The following SOX6 variants were observed in gnomAD, a reference collection of about 807,000 sequenced individuals.
SOX6 encodes transcription factor SOX-6.
Under a neutral mutation model 97.8 loss-of-function variants are expected in SOX6, and 11 were observed. The ratio of observed to expected loss-of-function variants is 0.11; its 90% CI spans 0.07 to 0.19. SOX6 has a LOEUF of 0.19. SOX6 is among the 10% of genes least tolerant of loss of function. The pLI is 1.00. For synonymous variants in SOX6, 360 were observed against 371.4 expected (o/e 0.97, Z 0.35); for missense variants, 810 against 1,039.5 (o/e 0.78, Z 3.04).
At chr11:16,163,221 C>T (rs912446671) in intron 6 of SOX6, among the ~76,000 whole-genome samples, 2 of 152,096 alleles carry the variant, frequency 1.3e-5, no homozygotes, top group Non-Finnish European at 2.9e-5. Context: ...CTGTTATACA[C>T]ACATGTGTAT....
intron 4 of SOX6, among the ~76,000 whole-genome samples, chr11:16,568,928 C>G (rs916411451): frequency 1.3e-5 from 2 of 152,132 alleles, no homozygotes; most frequent in Non-Finnish European, 2.9e-5. Flanking sequence ...GGGCAGTAAC[C>G]TTTTACTTTT....
At chr11:16,029,156 G>C (rs1325537703) in intron 12 of SOX6, among the ~76,000 whole-genome samples, 1 of 152,192 alleles carries the variant, frequency 6.6e-6, no homozygotes, top group Non-Finnish European at 1.5e-5. Flanking sequence ...ATGATGCTTA[G>C]ATCACAGGTT....
chr11:16,597,621 A>G (rs1376467485), intron 4 of SOX6, among the ~76,000 whole-genome samples: 2 of 152,010 alleles, frequency 1.3e-5, no homozygotes, highest in Admixed American at 1.3e-4. Context: ...AATGAAAGCA[A>G]AACAAAACAG....
At chr11:16,349,706 A>G (rs1208441319) in intron 1 of SOX6, among the ~76,000 whole-genome samples, 1 of 44,264 alleles carries the variant, frequency 2.3e-5, no homozygotes, top group East Asian at 5.1e-4. Flanking sequence ...GGAAGGAAGG[A>G]AGGAAGGAAG....
intron 13 of SOX6, among the ~76,000 whole-genome samples, chr11:16,010,704 T>TTAC (rs1465892690): frequency 1.6e-4 from 24 of 152,086 alleles, no homozygotes; most frequent in African/African-American, 4.1e-4. Flanking sequence ...AGGGAGCCCA[T>TTAC]CTGTGAAAGG....
intron 4 of SOX6, among the ~76,000 whole-genome samples, chr11:16,506,736 G>T (rs778161396): frequency 1.3e-5 from 2 of 152,136 alleles, no homozygotes; most frequent in African/African-American, 2.4e-5. Context: ...TGATGTTCTT[G>T]TGGTAGAGTT....
intron 9 of SOX6, among the ~76,000 whole-genome samples, chr11:16,071,972 C>T (rs1848236877): frequency 6.6e-6 from 1 of 151,976 alleles, no homozygotes; most frequent in East Asian, 1.9e-4. Context: ...GGAACATCAG[C>T]CCACACAGAT....
chr11:16,397,124 A>T (rs1858383818), intron 1 of SOX6, among the ~76,000 whole-genome samples: 2 of 151,414 alleles, frequency 1.3e-5, no homozygotes, highest in Non-Finnish European at 3.0e-5. Flanking sequence ...TTGTCACTGA[A>T]GATTCTTCAG....
chr11:16,205,118 A>G (rs1226623976), intron 4 of SOX6, among the ~76,000 whole-genome samples: 2 of 152,126 alleles, frequency 1.3e-5, no homozygotes, highest in African/African-American at 4.8e-5. Flanking sequence ...ATGCTCATCT[A>G]ATAGCAGAAG....
chr11:16,208,298 GTATGAA>G (rs1338919435), intron 4 of SOX6, among the ~76,000 whole-genome samples: 4 of 152,232 alleles, frequency 2.6e-5, no homozygotes, highest in African/African-American at 4.8e-5. Flanking sequence ...CACTATCAGG[GTATGAA>G]TATAATATAG....
chr11:16,653,066 T>G (rs1234279988), intron 3 of SOX6, among the ~76,000 whole-genome samples: 2 of 152,202 alleles, frequency 1.3e-5, no homozygotes, highest in African/African-American at 4.8e-5. Context: ...CTCAATGAGC[T>G]ACCACCTTAC....
chr11:16,732,085 A>G (rs1848354557), intron 2 of SOX6, among the ~76,000 whole-genome samples: 1 of 152,228 alleles, frequency 6.6e-6, no homozygotes, highest in Admixed American at 6.5e-5. Context: ...CAAGGAAATA[A>G]GAGAGGACAC....
intron 4 of SOX6, among the ~76,000 whole-genome samples, chr11:16,486,165 T>C (rs1860430678): frequency 6.6e-6 from 1 of 152,038 alleles, no homozygotes; most frequent in Admixed American, 6.5e-5. Context: ...CCATGTGACT[T>C]AATACAAAAT....
At chr11:16,707,835 CTTT>C (rs1262314134) in intron 3 of SOX6, among the ~76,000 whole-genome samples, 1 of 152,122 alleles carries the variant, frequency 6.6e-6, no homozygotes, top group African/African-American at 2.4e-5. Context: ...TCTTAATCCA[CTTT>C]TTCAGATTTT....
intron 6 of SOX6, among the ~76,000 whole-genome samples, chr11:16,138,551 T>A (rs1335262331): frequency 6.6e-6 from 1 of 151,952 alleles, no homozygotes; most frequent in Admixed American, 6.6e-5. Flanking sequence ...TTATTTTTTT[T>A]ATTTTATTAT....
intron 12 of SOX6, among the ~76,000 whole-genome samples, chr11:16,039,347 G>A (rs1381673680): frequency 6.6e-6 from 1 of 151,988 alleles, no homozygotes; most frequent in Non-Finnish European, 1.5e-5. Flanking sequence ...CTTTTACTGT[G>A]TTTGATCAGT....
chr11:16,669,649 C>T (rs2134023597), intron 3 of SOX6, among the ~76,000 whole-genome samples: 1 of 152,336 alleles, frequency 6.6e-6, no homozygotes, highest in East Asian at 1.9e-4. Context: ...TTTCTTACAG[C>T]CCTTGCCCTT....
At chr11:16,163,457 T>C (rs541779947) in intron 6 of SOX6, among the ~76,000 whole-genome samples, 1 of 152,350 alleles carries the variant, frequency 6.6e-6, no homozygotes, top group Admixed American at 6.5e-5. Flanking sequence ...TTGCAACTAC[T>C]GATAGAATGT....
chr11:16,095,174 G>T (rs1848766929), intron 9 of SOX6, among the ~76,000 whole-genome samples: 2 of 151,830 alleles, frequency 1.3e-5, no homozygotes, highest in Non-Finnish European at 2.9e-5. Context: ...TCAGTTTGAG[G>T]TAAACTGTAT....
Sources: allele counts gnomAD v4.1 joint callset (sites outside exome capture counted in the v4.1 genomes callset), GRCh38; gene constraint gnomAD v4.1.1; transcripts MANE v1.5; gene names NCBI Gene and HGNC (gene_info 2026-07-23, HGNC 2026-07-21).